Variants in TMEFF2 observed in about 807,000 individuals in gnomAD.
The protein encoded by TMEFF2 is transmembrane protein with EGF like and two follistatin like domains 2.
In TMEFF2, 28 loss-of-function variants were observed where a neutral mutation model predicts 53.8. That is an observed-to-expected ratio of 0.52 (90% CI 0.39 to 0.71). The LOEUF is 0.71. Among genes scored for constraint, TMEFF2 ranks in the 30% least tolerant of loss-of-function variants. TMEFF2 has a pLI of 0.00. For missense variants in TMEFF2, 353 were observed against 455.2 expected (o/e 0.78, Z 2.04); for synonymous variants, 162 against 166.3 (o/e 0.97, Z 0.20).
intron 5 of TMEFF2, among the ~76,000 whole-genome samples, chr2:192,004,046 C>T (rs1686437612): frequency 6.6e-6 from 1 of 151,962 alleles, no homozygotes. Context: ...TTTTACTTAC[C>T]TTTGACATCC....
At chr2:192,029,925 GCTT>G (rs1306618025) in intron 5 of TMEFF2, among the ~76,000 whole-genome samples, 1 of 152,158 alleles carries the variant, frequency 6.6e-6, no homozygotes, top group African/African-American at 2.4e-5. Context: ...TTCTATACCT[GCTT>G]CTTCATTGAA....
intron 4 of TMEFF2, among the ~76,000 whole-genome samples, chr2:192,061,470 A>T (rs77048326): frequency 6.6e-6 from 1 of 152,062 alleles, no homozygotes; most frequent in African/African-American, 2.4e-5. Flanking sequence ...TAATCTAGAG[A>T]TGATTTAAAT....
intron 5 of TMEFF2, chr2:192,043,785 C>T (rs1206006741): frequency 6.6e-6 from 1 of 152,200 alleles, no homozygotes; most frequent in Non-Finnish European, 1.5e-5. Context: ...ACTGCATTTA[C>T]CTTGAAAAAT....
chr2:192,183,959 C>T (rs1444180229), intron 3 of TMEFF2, among the ~76,000 whole-genome samples: 1 of 152,058 alleles, frequency 6.6e-6, no homozygotes, highest in African/African-American at 2.4e-5. Flanking sequence ...AGATTGCCTT[C>T]CAGCAGATAA....
chr2:192,014,151 T>A (rs1197768065), intron 5 of TMEFF2, among the ~76,000 whole-genome samples: 1 of 152,196 alleles, frequency 6.6e-6, no homozygotes, highest in Non-Finnish European at 1.5e-5. Context: ...TACAGGTTAT[T>A]AGACATTTTG....
intron 7 of TMEFF2, among the ~76,000 whole-genome samples, chr2:191,965,517 T>G (rs1191129981): frequency 6.6e-6 from 1 of 152,170 alleles, no homozygotes; most frequent in Non-Finnish European, 1.5e-5. Flanking sequence ...TGAGTACATT[T>G]TGATCGCCCT....
At chr2:191,978,522 GA>G (rs1685782878) in intron 7 of TMEFF2, among the ~76,000 whole-genome samples, 1 of 148,604 alleles carries the variant, frequency 6.7e-6, no homozygotes, top group African/African-American at 2.5e-5. Flanking sequence ...GCTTTCCTTT[GA>G]CTATTGAATT....
chr2:192,176,299 G>T (rs1403256021), intron 4 of TMEFF2, among the ~76,000 whole-genome samples: 4 of 151,164 alleles, frequency 2.6e-5, no homozygotes, highest in African/African-American at 9.7e-5. Context: ...AAGTTTATTT[G>T]ATGTAGATGC....
At chr2:192,076,624 A>G (rs543231217) in intron 4 of TMEFF2, among the ~76,000 whole-genome samples, 9 of 152,270 alleles carry the variant, frequency 5.9e-5, no homozygotes, top group African/African-American at 1.7e-4. Flanking sequence ...TTCCTTTTAA[A>G]AAAGCAGCAA....
chr2:192,103,714 T>A (rs1689085267), intron 4 of TMEFF2, among the ~76,000 whole-genome samples: 1 of 152,042 alleles, frequency 6.6e-6, no homozygotes, highest in African/African-American at 2.4e-5. Context: ...ATTACAGGGC[T>A]CTCTTGGTAA....
At chr2:192,173,151 C>A (rs2106026053) in intron 4 of TMEFF2, among the ~76,000 whole-genome samples, 1 of 151,814 alleles carries the variant, frequency 6.6e-6, no homozygotes, top group Admixed American at 6.6e-5. Context: ...TAGGAATGTT[C>A]CTAACATGAA....
intron 4 of TMEFF2, among the ~76,000 whole-genome samples, chr2:192,062,847 C>T (rs1688077476): frequency 6.6e-6 from 1 of 151,850 alleles, no homozygotes; most frequent in African/African-American, 2.4e-5. Context: ...CATGCCTGCC[C>T]TTCATGAAAT....
Position 192,179,643 on chromosome 2 carries a change from A to C in TMEFF2, c.439+25T>G, listed in dbSNP as rs57592265. 2.0e-3 allele frequency: 3,183 copies of C among 1,562,422 alleles called. 52 individuals carry two copies. In the African/African-American group the frequency reaches 0.037, roughly 18 times the overall value. ...TAATAATATCCACCAGTAAATCTTC[A>C]AATATGTAAAAAGGCAACTCCTACC... On this transcript the variant is annotated intron_variant, in intron 4 of 9. Coordinates refer to ENST00000272771, the MANE Select transcript of TMEFF2 (RefSeq NM_016192.4).
intron 4 of TMEFF2, among the ~76,000 whole-genome samples, chr2:192,119,145 C>G (rs1689486169): frequency 6.6e-6 from 1 of 152,018 alleles, no homozygotes; most frequent in Non-Finnish European, 1.5e-5. Flanking sequence ...AGTATGTTGT[C>G]CAACTACTTA....
intron 7 of TMEFF2, among the ~76,000 whole-genome samples, chr2:191,986,253 A>T (rs1188250257): frequency 6.6e-6 from 1 of 151,580 alleles, no homozygotes; most frequent in Non-Finnish European, 1.5e-5. Flanking sequence ...ACAATCTTTC[A>T]AACAGTCAGT....
At position 192,075,332 on chromosome 2, in the gene TMEFF2, T is replaced by TAC. The variant is rs1553518845; in HGVS notation, c.440-17559_440-17558dup. On this transcript the variant is annotated intron_variant, in intron 4 of 9. Transcript: ENST00000272771. ...ATATATATATATATATATATATATA[T>TAC]ACATACATACTATGTATATCCTTGC... Among the ~76,000 whole-genome samples the TAC allele has an allele frequency of 7.9e-3, 694 of 88,052 alleles. 35 individuals carry two copies. The highest frequency in any genetic ancestry group is 0.014 in the African/African-American group (351 of 24,370). 57.8% of individuals were successfully genotyped at this position (88,052 alleles called of 152,430 possible). A position where few individuals can be genotyped will look rare whatever the true frequency, so the allele number is the denominator to read the frequency against.
At chr2:191,957,953 G>T (rs1051350246) in intron 7 of TMEFF2, among the ~76,000 whole-genome samples, 1 of 152,258 alleles carries the variant, frequency 6.6e-6, no homozygotes, top group African/African-American at 2.4e-5. Flanking sequence ...CCTCTTCTTT[G>T]AAGTTACTTT....
intron 5 of TMEFF2, among the ~76,000 whole-genome samples, chr2:192,055,053 A>G (rs906572917): frequency 6.6e-6 from 1 of 152,026 alleles, no homozygotes; most frequent in Admixed American, 6.6e-5. Context: ...TAAAATTCTT[A>G]AAAAAAAGAG....
chr2:192,191,209 C>T (rs887144816), intron 2 of TMEFF2, among the ~76,000 whole-genome samples: 6 of 152,126 alleles, frequency 3.9e-5, no homozygotes, highest in African/African-American at 7.2e-5. Flanking sequence ...GCCAGTAGTG[C>T]AACTTCTTTC....
Sources: gnomAD v4.1 joint callset for allele counts (sites outside exome capture counted in the v4.1 genomes callset) on GRCh38, gnomAD v4.1.1 for gene constraint, MANE v1.5 for transcripts, NCBI Gene and HGNC (gene_info 2026-07-23, HGNC 2026-07-21) for gene names.